Variants in FSTL5 observed in about 807,000 individuals in gnomAD.
FSTL5 encodes follistatin like 5.
FSTL5 carries 62 observed loss-of-function variants against 89.1 expected under a neutral mutation model. The observed-to-expected ratio is 0.70, with a 90% CI of 0.57 to 0.86. The LOEUF (loss-of-function observed/expected upper bound fraction) is 0.86, where lower values mean the gene tolerates loss of function less well. FSTL5 is among the 40% of genes least tolerant of loss of function. The pLI is 0.00. For synonymous variants in FSTL5, 383 were observed against 346.2 expected (o/e 1.11, Z -1.18); for missense variants, 1,057 against 1,001.6 (o/e 1.06, Z -0.75).
intron 3 of FSTL5, among the ~76,000 whole-genome samples, chr4:162,024,193 G>T (rs181532203): frequency 6.6e-6 from 1 of 152,022 alleles, no homozygotes; most frequent in South Asian, 2.1e-4. Flanking sequence ...GAAGTTTTTC[G>T]CAAATATACT....
chr4:161,692,405 G>A (rs530489229), intron 6 of FSTL5, among the ~76,000 whole-genome samples: 7 of 150,698 alleles, frequency 4.6e-5, no homozygotes, highest in African/African-American at 1.7e-4. Context: ...GTATGACATT[G>A]ATTTATTCTT....
chr4:161,521,865 GAAAAA>G (rs751284853), intron 10 of FSTL5, among the ~76,000 whole-genome samples: 1 of 120,498 alleles, frequency 8.3e-6, no homozygotes, highest in East Asian at 2.5e-4. Flanking sequence ...AAAAAAAAAA[GAAAAA>G]AAAAGAAAAA....
chr4:161,587,696 A>G (rs1402178300), intron 7 of FSTL5, 121 bp from the exon 8 acceptor site: 4 of 664,446 alleles, frequency 6.0e-6, no homozygotes, highest in Non-Finnish European at 9.9e-6. Context: ...AAAATTATCA[A>G]AATGAGCATT....
intron 9 of FSTL5, among the ~76,000 whole-genome samples, chr4:161,540,029 A>T (rs1014718145): frequency 6.6e-6 from 1 of 151,634 alleles, no homozygotes; most frequent in African/African-American, 2.4e-5. Context: ...ATGTTCTCCT[A>T]ACCTATATGT....
chr4:161,752,239 A>AGATAGATAGAT (rs1331230130), intron 6 of FSTL5, among the ~76,000 whole-genome samples: 108 of 149,916 alleles, frequency 7.2e-4, no homozygotes, highest in African/African-American at 2.5e-3. Flanking sequence ...ATAGATAGAT[A>AGATAGATAGAT]GATAGATAGA....
Position 161,962,649 on chromosome 4 carries a change from C to T in FSTL5, c.161-41997G>A, listed in dbSNP as rs538887705. 2.6e-5 allele frequency among the ~76,000 whole-genome samples: 4 copies of T among 151,674 alleles called. No individual in the cohort carries two copies. The East Asian group carries it at 7.8e-4, about 29-fold the overall frequency. On this transcript the variant is annotated intron_variant, in intron 3 of 15. Transcript: ENST00000306100. The stretch of plus-strand genomic sequence containing the variant: ...TTCTATTACTATCTTTAGTGTTGAT[C>T]TGTCATTTAATTTTCATAAGTTGAT...
At chr4:161,676,266 A>T (rs558570511) in intron 6 of FSTL5, among the ~76,000 whole-genome samples, 2 of 152,166 alleles carry the variant, frequency 1.3e-5, no homozygotes, top group African/African-American at 4.8e-5. Flanking sequence ...ATGCCCATCA[A>T]TGATAGACTG....
chr4:161,996,214 T>G (rs186100593), intron 3 of FSTL5, among the ~76,000 whole-genome samples: 85 of 152,344 alleles, frequency 5.6e-4, no homozygotes, highest in Non-Finnish European at 5.4e-4. Context: ...ATTCTGCACA[T>G]GGCAAAGCCC....
intron 2 of FSTL5, among the ~76,000 whole-genome samples, chr4:162,085,728 C>T (rs1210623525): frequency 6.6e-6 from 1 of 152,042 alleles, no homozygotes; most frequent in Non-Finnish European, 1.5e-5. Flanking sequence ...CAATTCATTT[C>T]CTCGTCATGG....
At chr4:161,573,634 G>A (rs1477572579) in intron 8 of FSTL5, among the ~76,000 whole-genome samples, 1 of 148,190 alleles carries the variant, frequency 6.7e-6, no homozygotes, top group East Asian at 2.1e-4. Context: ...TCCAGGGGCT[G>A]AGGCAGGAGA....
chr4:161,479,611 G>A (rs529475332), intron 13 of FSTL5, among the ~76,000 whole-genome samples: 9 of 152,092 alleles, frequency 5.9e-5, no homozygotes, highest in Middle Eastern at 3.4e-3. Context: ...CTCAAAAATC[G>A]GAAACAAAAG....
At chr4:161,624,862 T>C (rs929229910) in intron 7 of FSTL5, among the ~76,000 whole-genome samples, 2 of 152,182 alleles carry the variant, frequency 1.3e-5, no homozygotes, top group African/African-American at 2.4e-5. Context: ...ACATATTTGC[T>C]GTATGCCAAA....
chr4:161,693,949 C>A (rs562688739), intron 6 of FSTL5, among the ~76,000 whole-genome samples: 61 of 152,052 alleles, frequency 4.0e-4, no homozygotes, highest in African/African-American at 1.5e-3. Context: ...TCTTGTAATT[C>A]TTTTAATCTG....
intron 8 of FSTL5, among the ~76,000 whole-genome samples, chr4:161,582,908 C>T (rs956396486): frequency 6.6e-6 from 1 of 152,134 alleles, no homozygotes; most frequent in African/African-American, 2.4e-5. Context: ...TCTGTCTCAG[C>T]CGGGTGTGGT....
In FSTL5 at chr4:161,577,681, C is replaced by A. The variant is rs139439903; in HGVS notation, c.1015+9774G>T. Among the ~76,000 whole-genome samples, 9 of 152,098 alleles carry A rather than the reference C, an allele frequency of 5.9e-5. No homozygotes were observed. The East Asian group carries it at 1.7e-3, about 29-fold the overall frequency. On this transcript the variant is annotated intron_variant, in intron 8 of 15. Coordinates refer to ENST00000306100, the MANE Select transcript of FSTL5 (RefSeq NM_020116.5). ...GTAGAGAACTCTGCAGAGACAGCTA[C>A]GGGAATCTAAATACAGATCTGCTGA...
chr4:162,093,582 C>A (rs1051458331), intron 2 of FSTL5, among the ~76,000 whole-genome samples: 2 of 152,066 alleles, frequency 1.3e-5, no homozygotes, highest in African/African-American at 4.8e-5. Flanking sequence ...AAATGCCATA[C>A]CCAAGAGACT....
intron 6 of FSTL5, among the ~76,000 whole-genome samples, chr4:161,721,520 T>C (rs994151465): frequency 2.6e-5 from 4 of 152,128 alleles, no homozygotes; most frequent in Non-Finnish European, 5.9e-5. Context: ...ATACAGTTTT[T>C]TGAATGTCAG....
chr4:161,474,039 A>T (rs1164702250), intron 13 of FSTL5, among the ~76,000 whole-genome samples: 1 of 152,062 alleles, frequency 6.6e-6, no homozygotes, highest in Non-Finnish European at 1.5e-5. Context: ...CATTTCCTGC[A>T]TTATTGTCTT....
At chr4:162,151,477 A>C (rs1733223169) in intron 1 of FSTL5, among the ~76,000 whole-genome samples, 2 of 152,172 alleles carry the variant, frequency 1.3e-5, no homozygotes, top group African/African-American at 4.8e-5. Context: ...GTTTAAGTCC[A>C]TTGTAGTTGA....
Sources: gnomAD v4.1 joint callset for allele counts (sites outside exome capture counted in the v4.1 genomes callset) on GRCh38, gnomAD v4.1.1 for gene constraint, MANE v1.5 for transcripts, NCBI Gene and HGNC (gene_info 2026-07-23, HGNC 2026-07-21) for gene names.